Variants in GUCY2F observed in about 807,000 individuals in gnomAD.
GUCY2F encodes retinal guanylyl cyclase 2.
GUCY2F carries 61 observed loss-of-function variants against 73.1 expected under a neutral mutation model. That is an observed-to-expected ratio of 0.83 (90% CI 0.68 to 1.03). The LOEUF (loss-of-function observed/expected upper bound fraction) is 1.03, where lower values mean the gene tolerates loss of function less well. Ranked by LOEUF, GUCY2F falls within the 50% of genes least tolerant of loss-of-function variation. The pLI is 0.00. For missense variants in GUCY2F, 912 were observed against 854.3 expected, an observed-to-expected ratio of 1.07 and a Z score of -0.84; for synonymous variants, 331 against 307.8, an observed-to-expected ratio of 1.08 and a Z score of -0.79.
chrX:109,431,906 GA>G (rs747439751), intron 7 of GUCY2F, among the ~76,000 whole-genome samples: 1,714 of 79,045 alleles, frequency 0.022, 38 homozygotes, highest in African/African-American at 0.068. Flanking sequence ...TCAGCAGCTG[GA>G]AAAAAAAAAA....
chrX:109,455,100 G>A (rs1932231245), intron 3 of GUCY2F, among the ~76,000 whole-genome samples: 1 of 111,592 alleles, frequency 9.0e-6, no homozygotes, highest in Middle Eastern at 4.6e-3. Context: ...AGAATTACCT[G>A]AAGAGTGTCA....
chrX:109,448,576 A>C (rs1207699135), intron 5 of GUCY2F, among the ~76,000 whole-genome samples: 1 of 112,206 alleles, frequency 8.9e-6, no homozygotes, highest in African/African-American at 3.2e-5. Context: ...AAGAATCATT[A>C]ATCTCCATTT....
chrX:109,398,222 G>A (rs1275403399), intron 11 of GUCY2F, among the ~76,000 whole-genome samples: 2 of 110,285 alleles, frequency 1.8e-5, no homozygotes, highest in Non-Finnish European at 3.8e-5. Context: ...GCATCATGAG[G>A]GATACTAAAA....
At chrX:109,447,584 T>C (rs1932045451) in intron 6 of GUCY2F, among the ~76,000 whole-genome samples, 1 of 90,494 alleles carries the variant, frequency 1.1e-5, no homozygotes, top group Non-Finnish European at 2.1e-5. Flanking sequence ...GTGAGAACAC[T>C]TGGACACAGG....
In GUCY2F at chrX:109,476,115, T is replaced by C. The variant is rs779463385; in HGVS notation, c.-85-94A>G. 240 of 349,144 alleles carry C rather than the reference T, an allele frequency of 6.9e-4. 1 individual carries two copies. In the African/African-American group the frequency reaches 7.1e-3, roughly 10 times the overall value. 28.8% of individuals were successfully genotyped at this position (349,144 alleles called of 1,213,427 possible). ...AAGAATGGCAAAAAAAAAAAAAAAATGGCAGTGCCCAAACTAAAAGTTTCT... is the reference window on the plus strand; with the variant it reads ...AAGAATGGCAAAAAAAAAAAAAAAACGGCAGTGCCCAAACTAAAAGTTTCT... On this transcript the variant is annotated intron_variant, in intron 1 of 19. Transcript: ENST00000218006.
At chrX:109,466,502 C>T (rs1007776012) in intron 2 of GUCY2F, among the ~76,000 whole-genome samples, 1 of 111,312 alleles carries the variant, frequency 9.0e-6, no homozygotes, top group Admixed American at 9.6e-5. Flanking sequence ...TTCAAGGGGG[C>T]CACGGTTGAA....
chrX:109,470,569 A>G (rs1932554185), intron 2 of GUCY2F, among the ~76,000 whole-genome samples: 1 of 111,707 alleles, frequency 9.0e-6, no homozygotes, highest in Admixed American at 9.5e-5. Context: ...CAGGATCTCA[A>G]GTGAGTATGC....
chrX:109,451,973 G>A, intron 5 of GUCY2F, 50 bp downstream of exon 5: 1 of 649,099 alleles, frequency 1.5e-6, no homozygotes, highest in Non-Finnish European at 2.6e-6. Flanking sequence ...GTATTAACAA[G>A]GCTAATATGG....
At chrX:109,447,739 C>T (rs1000126509) in intron 6 of GUCY2F, among the ~76,000 whole-genome samples, 8 of 108,430 alleles carry the variant, frequency 7.4e-5, no homozygotes, top group African/African-American at 2.7e-4. Flanking sequence ...CAAACCTGCA[C>T]GTTATGCACA....
chrX:109,432,503 G>A (rs897174287), intron 7 of GUCY2F, among the ~76,000 whole-genome samples: 2 of 112,173 alleles, frequency 1.8e-5, no homozygotes, highest in Non-Finnish European at 3.8e-5. Context: ...AAGCCTTCCC[G>A]GCACCTTTGC....
chrX:109,419,678 T>C (rs1369112977), intron 8 of GUCY2F, among the ~76,000 whole-genome samples: 3 of 110,230 alleles, frequency 2.7e-5, no homozygotes, highest in African/African-American at 6.6e-5. Flanking sequence ...AAAGAAAACT[T>C]AAATAAATGG....
chrX:109,453,774 G>T lies in GUCY2F; in HGVS notation c.1118C>A (p.Ala373Asp). The T allele has an allele frequency of 1.7e-6, 2 of 1,204,770 alleles. No individual in the cohort carries two copies. Among genetic ancestry groups the T allele is most frequent in the Non-Finnish European group, 2.2e-6 (2 of 889,203 alleles). The change falls in exon 4 of 20, where the codon GCT becomes GAT. Residue 373 changes from alanine (A) to aspartate (D), a missense_variant. By Grantham distance (126) the Ala-to-Asp change is moderately radical. Coordinates refer to ENST00000218006, the MANE Select transcript of GUCY2F (RefSeq NM_001522.3). Reference protein sequence around the residue: ...MNNAMKENGQAGAASLVQHSR... With the variant: ...MNNAMKENGQDGAASLVQHSR... ...ATGCTGAACCAGGCTGGCAGCACCA[G>T]CCTGTCCATTTTCTTTCATAGCATT...
At chrX:109,411,829 G>A (rs1214566850) in intron 8 of GUCY2F, among the ~76,000 whole-genome samples, 1 of 111,978 alleles carries the variant, frequency 8.9e-6, no homozygotes, top group African/African-American at 3.2e-5. Context: ...CCCAAGGAAA[G>A]TATAAAGAAA....
rs1457086953 is a variant in GUCY2F at position 109,393,320 on chromosome X, G to T, written c.2425-265C>A. Reference sequence around the variant, plus strand: ...GGTTCTTTCAAGCCTGAGCAAAGGTGTTCTGAGCCGGCTCCTTCAGTTCTG... The same window carrying T: ...GGTTCTTTCAAGCCTGAGCAAAGGTTTTCTGAGCCGGCTCCTTCAGTTCTG... On this transcript the variant is annotated intron_variant, in intron 12 of 19. Transcript: ENST00000218006. Among the ~76,000 whole-genome samples, 3 of 96,722 alleles carry T rather than the reference G, an allele frequency of 3.1e-5. No individual in the cohort carries two copies. The East Asian group carries it at 9.8e-4, about 32-fold the overall frequency. The allele number at this position is 96,722 out of a possible 115,157, so 84.0% of individuals were successfully genotyped here. A position where few individuals can be genotyped will look rare whatever the true frequency, so the allele number is the denominator to read the frequency against.
At chrX:109,409,214 A>C (rs369760509) in intron 8 of GUCY2F, 46 bp from the exon 9 acceptor site, 20 of 665,052 alleles carry the variant, frequency 3.0e-5, no homozygotes, top group Non-Finnish European at 4.8e-5. Context: ...TCCTGTCTCA[A>C]CTGGGGACCA....
intron 19 of GUCY2F, among the ~76,000 whole-genome samples, chrX:109,375,371 C>T (rs1260046243): frequency 9.0e-6 from 1 of 111,166 alleles, no homozygotes; most frequent in African/African-American, 3.3e-5. Context: ...ACAAGCCAGG[C>T]AGTCAAAGAG....
intron 2 of GUCY2F, among the ~76,000 whole-genome samples, chrX:109,466,240 A>G (rs1932467092): frequency 9.0e-6 from 1 of 111,642 alleles, no homozygotes; most frequent in Admixed American, 9.5e-5. Context: ...TAATCCAAAA[A>G]TCTGAAATCT....
chrX:109,373,796 T>C (rs181325418), intron 19 of GUCY2F, among the ~76,000 whole-genome samples: 3 of 112,748 alleles, frequency 2.7e-5, no homozygotes, highest in East Asian at 5.7e-4. Flanking sequence ...TTAACCTCAG[T>C]AGGTGAAATT....
rs1357459506 is a variant in GUCY2F, at chrX:109,467,142, A to G, written c.731-1699T>C. On this transcript the variant is annotated intron_variant, in intron 2 of 19. Transcript: ENST00000218006. ...TTCAGCCTCACTTGTTTATAATCAC[A>G]CATTGTATCATGGGAAAATGGAGTG... Among the ~76,000 whole-genome samples the G allele has an allele frequency of 2.7e-5, 3 of 112,523 alleles. No individual in the cohort carries two copies. The East Asian group carries it at 8.3e-4, about 31-fold the overall frequency.
Sources: allele counts gnomAD v4.1 joint callset (sites outside exome capture counted in the v4.1 genomes callset), GRCh38; gene constraint gnomAD v4.1.1; transcripts MANE v1.5; gene names NCBI Gene and HGNC (gene_info 2026-07-23, HGNC 2026-07-21).